DOCK1: variants seen among roughly 807,000 people sequenced by gnomAD.
The protein encoded by DOCK1 is dedicator of cytokinesis protein 1.
In DOCK1, 138 loss-of-function variants were observed where a neutral mutation model predicts 262.7. The observed-to-expected ratio is 0.53, with a 90% CI of 0.46 to 0.61. DOCK1 has a LOEUF of 0.61. Ranked by LOEUF, DOCK1 falls within the 20% of genes least tolerant of loss-of-function variation. The probability of loss-of-function intolerance (pLI) is 0.00; values close to 1 mark genes in which losing one functional copy is unlikely to be tolerated. For missense variants in DOCK1, 1,908 were observed against 2,370.7 expected, an observed-to-expected ratio of 0.80 and a Z score of 4.05; for synonymous variants, 866 against 867.4, an observed-to-expected ratio of 1.00 and a Z score of 0.03.
At chr10:126,993,393 A>G (rs2039952474) in intron 6 of DOCK1, among the ~76,000 whole-genome samples, 1 of 152,166 alleles carries the variant, frequency 6.6e-6, no homozygotes, top group African/African-American at 2.4e-5. Flanking sequence ...CTATCCACGC[A>G]TTACTGACCC....
chr10:126,949,084 C>G (rs949207613), intron 1 of DOCK1, among the ~76,000 whole-genome samples: 1 of 152,204 alleles, frequency 6.6e-6, no homozygotes, highest in East Asian at 1.9e-4. Context: ...GAGTGGTGCA[C>G]GTTCTGCTGG....
At chr10:127,419,843 T>C in intron 46 of DOCK1, 94 bp downstream of exon 46, 1 of 1,327,584 alleles carries the variant, frequency 7.5e-7, no homozygotes, top group Non-Finnish European at 1.0e-6. Flanking sequence ...TGGAGGTCCC[T>C]GGGCTGCAGT....
intron 29 of DOCK1, among the ~76,000 whole-genome samples, chr10:127,270,927 A>G (rs2060539963): frequency 6.6e-6 from 1 of 152,018 alleles, no homozygotes; most frequent in Non-Finnish European, 1.5e-5. Context: ...TTGAGAAATT[A>G]TCATTATTTT....
intron 23 of DOCK1, among the ~76,000 whole-genome samples, chr10:127,078,020 T>C (rs1328819160): frequency 6.6e-6 from 1 of 152,264 alleles, no homozygotes; most frequent in East Asian, 1.9e-4. Context: ...ACCCCTGGTA[T>C]TCAGAGCCGA....
At chr10:127,382,215 A>G (rs1156294018) in intron 37 of DOCK1, among the ~76,000 whole-genome samples, 2 of 152,250 alleles carry the variant, frequency 1.3e-5, no homozygotes, top group Non-Finnish European at 2.9e-5. Context: ...AAAACCAAAA[A>G]TGTAATGAAA....
At chr10:126,946,692 A>T (rs999116174) in intron 1 of DOCK1, among the ~76,000 whole-genome samples, 1 of 152,076 alleles carries the variant, frequency 6.6e-6, no homozygotes, top group Non-Finnish European at 1.5e-5. Context: ...TGCCTGGCTA[A>T]TTTCGCAGAG....
At chr10:127,312,159 A>G (rs1339281312) in intron 29 of DOCK1, among the ~76,000 whole-genome samples, 1 of 152,218 alleles carries the variant, frequency 6.6e-6, no homozygotes, top group Non-Finnish European at 1.5e-5. Context: ...CTTGATGCCT[A>G]AGAGCTGCCT....
chr10:127,417,767 G>C (rs947734445), intron 44 of DOCK1, among the ~76,000 whole-genome samples: 2 of 152,070 alleles, frequency 1.3e-5, no homozygotes, highest in African/African-American at 4.8e-5. Context: ...GTAGAGACAA[G>C]GTTTTGCTAT....
intron 27 of DOCK1, among the ~76,000 whole-genome samples, chr10:127,230,250 A>G (rs1207058383): frequency 1.3e-5 from 2 of 152,138 alleles, no homozygotes; most frequent in African/African-American, 2.4e-5. Flanking sequence ...CTTTTACTGT[A>G]CAAGAGCTTT....
chr10:127,308,001 T>C (rs2061937208), intron 29 of DOCK1, among the ~76,000 whole-genome samples: 1 of 152,196 alleles, frequency 6.6e-6, no homozygotes, highest in African/African-American at 2.4e-5. Context: ...CCTTGAACCA[T>C]GGGGTCTCCT....
At position 127,031,456 on chromosome 10, in the gene DOCK1, G is replaced by A. The variant is rs79528077; in HGVS notation, c.1625-194G>A. On this transcript the variant is annotated intron_variant, in intron 16 of 51. Transcript: ENST00000623213. ...TTTATAGATTAATTTGAGAACAACT[G>A]ATCCCTTTATGCTAGGAGTCTTCTT... is the stretch of plus-strand genomic sequence containing the variant. 4.5e-3 allele frequency among the ~76,000 whole-genome samples: 679 copies of A among 152,194 alleles called. 1 individual carries two copies. Among genetic ancestry groups the A allele is most frequent in the African/African-American group, 0.014 (602 of 41,534 alleles).
rs538340977 is a variant in DOCK1, at chr10:127,118,502, A to C, written c.2624-6972A>C. ...CTGCTCCCCCACTGCCTTCCTTTAA[A>C]GGATGGCTCGCTTTTTTACAAAGCC... On this transcript the variant is annotated intron_variant, in intron 25 of 51. Coordinates refer to ENST00000623213, the MANE Select transcript of DOCK1 (RefSeq NM_001290223.2). Among the ~76,000 whole-genome samples, 8 of 152,338 alleles carry C rather than the reference A, an allele frequency of 5.3e-5. No homozygotes were observed. The East Asian group carries it at 1.5e-3, about 29-fold the overall frequency.
Position 127,012,394 on chromosome 10 carries a change from G to A in DOCK1, c.1201+20G>A, listed in dbSNP as rs1289717784. 1.9e-6 allele frequency: 3 copies of A among 1,612,872 alleles called. No individual in the cohort carries two copies. Among genetic ancestry groups the A allele is most frequent in the Non-Finnish European group, 2.5e-6 (3 of 1,178,950 alleles). ...GGCAGGGTACGTATTTTCCTATTTT[G>A]TTTCTATCAGCGTGTATTTGCATGC... On this transcript the variant is annotated intron_variant, in intron 12 of 51. Coordinates refer to ENST00000623213, the MANE Select transcript of DOCK1 (RefSeq NM_001290223.2). This position sits in a 1 kb window ranked among gnomAD's most constrained non-coding sequence, Gnocchi z 4.0.
At chr10:127,293,664 G>A (rs1471233554) in intron 29 of DOCK1, among the ~76,000 whole-genome samples, 5 of 152,280 alleles carry the variant, frequency 3.3e-5, no homozygotes, top group African/African-American at 2.4e-5. Flanking sequence ...GGATGAGGGC[G>A]ACTTGCCTGC....
At chr10:127,031,263 A>C (rs145620763) in intron 16 of DOCK1, among the ~76,000 whole-genome samples, 176 of 152,242 alleles carry the variant, frequency 1.2e-3, no homozygotes, top group African/African-American at 3.9e-3. Context: ...TTGAAAGCAC[A>C]CAGTCTTTCT....
At chr10:126,931,360 G>A (rs1408103858) in intron 1 of DOCK1, among the ~76,000 whole-genome samples, 1 of 152,208 alleles carries the variant, frequency 6.6e-6, no homozygotes, top group Non-Finnish European at 1.5e-5. Context: ...GTTTGGAGGG[G>A]TGAAGACACC....
At chr10:126,924,904 C>G (rs2033563608) in intron 1 of DOCK1, among the ~76,000 whole-genome samples, 1 of 152,264 alleles carries the variant, frequency 6.6e-6, no homozygotes. Flanking sequence ...TTGTGGCATA[C>G]ATACTGTAGC....
At chr10:127,213,173 A>C (rs2058056653) in intron 27 of DOCK1, among the ~76,000 whole-genome samples, 1 of 152,206 alleles carries the variant, frequency 6.6e-6, no homozygotes, top group African/African-American at 2.4e-5. Context: ...AAAAGCTCAG[A>C]ATATTGTTGG....
intron 39 of DOCK1, 80 bp downstream of exon 39, chr10:127,403,224 T>C: frequency 7.0e-7 from 1 of 1,436,630 alleles, no homozygotes; most frequent in Admixed American, 2.0e-5. Flanking sequence ...TCCATGTCAA[T>C]GTTAGGGTTC....
Sources: gnomAD v4.1 joint callset for allele counts (sites outside exome capture counted in the v4.1 genomes callset) on GRCh38, gnomAD v4.1.1 for gene constraint, Gnocchi (gnomAD v3.1) non-coding constraint, MANE v1.5 for transcripts, NCBI Gene and HGNC (gene_info 2026-07-23, HGNC 2026-07-21) for gene names.